The following SARDH variants were observed in gnomAD, a reference collection of about 807,000 sequenced individuals.
SARDH encodes the protein sarcosine dehydrogenase, mitochondrial.
SARDH carries 95 observed loss-of-function variants against 109.1 expected under a neutral mutation model. The observed-to-expected ratio is 0.87, with a 90% CI of 0.74 to 1.03. The LOEUF (loss-of-function observed/expected upper bound fraction) is 1.03, where lower values mean the gene tolerates loss of function less well. Among genes scored for constraint, SARDH ranks in the 50% least tolerant of loss-of-function variants. The pLI, the probability that SARDH is intolerant of heterozygous loss-of-function variation, is 0.00. For missense variants in SARDH, 1,267 were observed against 1,287.8 expected, an observed-to-expected ratio of 0.98 and a Z score of 0.25; for synonymous variants, 572 against 534.8, an observed-to-expected ratio of 1.07 and a Z score of -0.96.
chr9:133,668,401 CT>C (rs1211139818), intron 19 of SARDH, among the ~76,000 whole-genome samples: 4 of 76,142 alleles, frequency 5.3e-5, no homozygotes, highest in South Asian at 5.0e-4. Flanking sequence ...CTCCCTCTCC[CT>C]TCACCCTCCC....
At chr9:133,698,062 T>C (rs1225487656) in intron 13 of SARDH, among the ~76,000 whole-genome samples, 8 of 139,974 alleles carry the variant, frequency 5.7e-5, no homozygotes, top group Admixed American at 2.8e-4. Context: ...ATAAAATAGT[T>C]CAACGAGGTT....
chr9:133,689,894 G>A (rs1045358274), intron 16 of SARDH, among the ~76,000 whole-genome samples: 6 of 152,200 alleles, frequency 3.9e-5, no homozygotes, highest in African/African-American at 1.4e-4. Context: ...TCATGGGTGG[G>A]GAACACAGCC....
At position 133,733,877 on chromosome 9, in the gene SARDH, C is replaced by T. The variant is rs779241535; in HGVS notation, c.297G>A (p.Glu99=). Residue 99 remains glutamate, a synonymous_variant, in exon 2 of 21, where the codon GAG becomes GAA. Coordinates refer to ENST00000439388, the MANE Select transcript of SARDH (RefSeq NM_001134707.2). ...GMSGAVLLER[E]RLTSGTTWHT... ...GCCAGGTGGTCCCGGAGGTCAGCCG[C>T]TCCCGCTCCAGCAGCACCGCCCCAC... The T allele has an allele frequency of 6.7e-7, 1 of 1,493,950 alleles. No homozygotes were observed. Among genetic ancestry groups the T allele is most frequent in the Non-Finnish European group, 8.9e-7 (1 of 1,121,658 alleles). The allele number at this position is 1,493,950 out of a possible 1,614,324, so 92.5% of individuals were successfully genotyped here.
intron 17 of SARDH, among the ~76,000 whole-genome samples, chr9:133,684,566 G>A (rs1475470443): frequency 1.3e-5 from 2 of 152,208 alleles, no homozygotes; most frequent in African/African-American, 2.4e-5. Context: ...TCTGGGCCCC[G>A]ATCCTGGTCT....
At chr9:133,703,342 G>A in intron 12 of SARDH, 1 of 406,868 alleles carries the variant, frequency 2.5e-6, no homozygotes, top group Non-Finnish European at 4.6e-6. Flanking sequence ...CAGGACCTCA[G>A]CCAGGGCTGC....
chr9:133,730,765 CAGG>C (rs1348317924), intron 4 of SARDH, among the ~76,000 whole-genome samples: 3 of 152,038 alleles, frequency 2.0e-5, no homozygotes, highest in Non-Finnish European at 4.4e-5. Context: ...ATCACGAGGT[CAGG>C]AGATCAAGAC....
At position 133,712,949 on chromosome 9, in the gene SARDH, C is replaced by A; in HGVS notation, c.1237+89G>T. 1.5e-6 allele frequency: 2 copies of A among 1,315,192 alleles called. No individual in the cohort carries two copies. Among genetic ancestry groups the A allele is most frequent in the Non-Finnish European group, 2.1e-6 (2 of 940,404 alleles). 81.5% of individuals were successfully genotyped at this position (1,315,192 alleles called of 1,614,324 possible). On this transcript the variant is annotated intron_variant, in intron 9 of 20. Coordinates refer to ENST00000439388, the MANE Select transcript of SARDH (RefSeq NM_001134707.2). The surrounding 1 kb of genome is among the most constrained non-coding windows in gnomAD (Gnocchi z 4.1). ...TCCTGTCCCCACCACTGTCGGGGGC[C>A]ACGGTGCTCCTGCGCCCGCCTCCCC... is the stretch of plus-strand genomic sequence containing the variant.
chr9:133,663,908 C>T lies in SARDH; in HGVS notation c.2738G>A (p.Arg913Lys), dbSNP rs1829965141. 1 of 1,614,162 alleles carries T rather than the reference C, an allele frequency of 6.2e-7. No homozygotes were observed. Among genetic ancestry groups the T allele is most frequent in the Non-Finnish European group, 8.5e-7 (1 of 1,180,032 alleles). ...GAGCCCTCAGTAGATTCCCTTCACC[C>T]TCTTGTTGTTGGGGTCGAAGGGCGA... ...LKSPFDPNNK[R>K]VKGIY is the part of the protein sequence containing the mutation. Residue 913 changes from arginine (R) to lysine (K), a missense_variant, in exon 21 of 21, where the codon AGG (arginine) becomes AAG (lysine). Coordinates refer to ENST00000439388, the MANE Select transcript of SARDH (RefSeq NM_001134707.2).
At chr9:133,724,669 C>CT (rs1414374159) in intron 6 of SARDH, among the ~76,000 whole-genome samples, 2 of 152,158 alleles carry the variant, frequency 1.3e-5, no homozygotes. Flanking sequence ...AGTGTATAGA[C>CT]TGAGTATTCC....
intron 1 of SARDH, among the ~76,000 whole-genome samples, chr9:133,735,491 TGCAG>T (rs1381729386): frequency 3.0e-4 from 45 of 152,306 alleles, no homozygotes; most frequent in Admixed American, 2.7e-3. Context: ...TCTCCTTGGG[TGCAG>T]GCGAGGCAGG....
At chr9:133,663,047 AAGG>A (rs1389195545), downstream of SARDH, among the ~76,000 whole-genome samples, 3 of 152,180 alleles carry the variant, frequency 2.0e-5, no homozygotes, top group Non-Finnish European at 2.9e-5. Flanking sequence ...AGGGCCAGAC[AAGG>A]AGGAGGGCAT....
chr9:133,662,370 G>A (rs773223660), downstream of SARDH, among the ~76,000 whole-genome samples: 1 of 152,046 alleles, frequency 6.6e-6, no homozygotes, highest in African/African-American at 2.4e-5. This position sits in a 1 kb window ranked among gnomAD's most constrained non-coding sequence, Gnocchi z 5.1. Context: ...TGGCCAAACC[G>A]CAGACCCGGA....
At chr9:133,688,894 C>T (rs544247381) in intron 16 of SARDH, among the ~76,000 whole-genome samples, 5 of 152,360 alleles carry the variant, frequency 3.3e-5, no homozygotes, top group East Asian at 1.9e-4. Flanking sequence ...CGACCCTCTC[C>T]GATTCTATCC....
In SARDH at chr9:133,694,296, G is replaced by C; in HGVS notation, c.1883C>G (p.Pro628Arg). ...ESDLTVSRLA[P>R]SHQASPLAPA... is the part of the protein sequence containing the mutation. ...GGCCAGCGGGGAGGCCTGGTGGCTG[G>C]GTGCCAGGCGGCTGACAGTCAGGTC... Residue 628 changes from proline to arginine, a missense_variant, in exon 15 of 21, where the codon CCC becomes CGC. Transcript: ENST00000439388. 4.5e-6 allele frequency: 7 copies of C among 1,550,638 alleles called. No individual in the cohort carries two copies. Among genetic ancestry groups the C allele is most frequent in the South Asian group, 1.2e-5 (1 of 84,054 alleles).
At chr9:133,713,997 C>T (rs1475785262) in intron 8 of SARDH, among the ~76,000 whole-genome samples, 3 of 152,134 alleles carry the variant, frequency 2.0e-5, no homozygotes, top group Non-Finnish European at 4.4e-5. Context: ...CAGACGGTCT[C>T]GTAAAGAAAA....
At chr9:133,661,114 C>T (rs934202510), downstream of SARDH, among the ~76,000 whole-genome samples, 1 of 151,918 alleles carries the variant, frequency 6.6e-6, no homozygotes, top group Admixed American at 6.6e-5. Context: ...CTGAGGCGGG[C>T]GGATCACCTG....
At chr9:133,669,487 TG>T (rs1327524307) in intron 19 of SARDH, among the ~76,000 whole-genome samples, 2 of 151,326 alleles carry the variant, frequency 1.3e-5, no homozygotes, top group Admixed American at 6.6e-5. Context: ...CAGACCCCCG[TG>T]GGCACCACGG....
Position 133,710,386 on chromosome 9 carries a change from C to T in SARDH, c.1329-1958G>A, listed in dbSNP as rs568867793. 1.5e-3 allele frequency among the ~76,000 whole-genome samples: 226 copies of T among 152,374 alleles called. 2 individuals are homozygous for T. The highest frequency in any genetic ancestry group is 5.0e-3 in the African/African-American group (208 of 41,598). On this transcript the variant is annotated intron_variant, in intron 10 of 20. Coordinates refer to ENST00000439388, the MANE Select transcript of SARDH (RefSeq NM_001134707.2). Reference sequence around the variant, plus strand: ...GGCGGCTGCCATGGCCTGGAAGCCCCCTGGTGCCCGGTCAGCCCTGGGACC... The same window carrying T: ...GGCGGCTGCCATGGCCTGGAAGCCCTCTGGTGCCCGGTCAGCCCTGGGACC...
At chr9:133,659,887 G>T (rs1353694459), downstream of SARDH, among the ~76,000 whole-genome samples, 1 of 152,094 alleles carries the variant, frequency 6.6e-6, no homozygotes, top group East Asian at 2.0e-4. Flanking sequence ...CCAATTGCCA[G>T]CCCAGAGAAG....
Sources: allele counts gnomAD v4.1 joint callset (sites outside exome capture counted in the v4.1 genomes callset), GRCh38; gene constraint gnomAD v4.1.1; non-coding constraint Gnocchi (gnomAD v3.1); transcripts MANE v1.5; gene names NCBI Gene and HGNC (gene_info 2026-07-23, HGNC 2026-07-21).